FTO: variants seen among roughly 807,000 people sequenced by gnomAD.
FTO encodes the protein alpha-ketoglutarate-dependent dioxygenase FTO.
Under a neutral mutation model 63.9 loss-of-function variants are expected in FTO, and 47 were observed. The ratio of observed to expected loss-of-function variants is 0.74; its 90% CI spans 0.58 to 0.94. The LOEUF is 0.94. Ranked by LOEUF, FTO falls within the 40% of genes least tolerant of loss-of-function variation. The pLI, the probability that FTO is intolerant of heterozygous loss-of-function variation, is 0.00. For synonymous variants in FTO, 207 were observed against 224.4 expected, an observed-to-expected ratio of 0.92 and a Z score of 0.69; for missense variants, 562 against 618.1, an observed-to-expected ratio of 0.91 and a Z score of 0.96.
intron 1 of FTO, among the ~76,000 whole-genome samples, chr16:53,796,252 C>T (rs1057054397): frequency 6.6e-6 from 1 of 152,020 alleles, no homozygotes; most frequent in South Asian, 2.1e-4. Flanking sequence ...CAATGTCGGC[C>T]AGGCTAATCT....
chr16:53,839,479 G>C (rs915477953), intron 3 of FTO, among the ~76,000 whole-genome samples: 3 of 152,086 alleles, frequency 2.0e-5, no homozygotes, highest in Non-Finnish European at 2.9e-5. Flanking sequence ...GCCTAAGGAG[G>C]GGAAAAACTC....
chr16:53,927,459 T>G (rs373017315), intron 7 of FTO, among the ~76,000 whole-genome samples: 1 of 152,028 alleles, frequency 6.6e-6, no homozygotes, highest in Admixed American at 6.5e-5. Flanking sequence ...AGGAAGATAG[T>G]CAGTTGTTGG....
intron 8 of FTO, among the ~76,000 whole-genome samples, chr16:54,107,582 A>C (rs149912554): frequency 6.6e-6 from 1 of 152,226 alleles, no homozygotes; most frequent in African/African-American, 2.4e-5. Flanking sequence ...ATCAACCACA[A>C]CATCTCAGTT....
Position 53,879,934 on chromosome 16 carries a change from T to C in FTO, c.1066T>C (p.Leu356=), listed in dbSNP as rs1408257912. ...CDDVDNDDVS[L]KSFEPAVLKQ... ...CGATGTGGACAATGATGATGTCTCT[T>C]TGAAATCCTTTGAGCCTGCAGTTTT... The change falls in exon 6 of 9, where the codon TTG becomes CTG. Residue 356 remains leucine (L), a synonymous_variant. Transcript: ENST00000471389. 5.0e-6 allele frequency: 8 copies of C among 1,613,906 alleles called. No homozygotes were observed. Among genetic ancestry groups the C allele is most frequent in the Admixed American group, 1.7e-5 (1 of 59,994 alleles).
intron 1 of FTO, among the ~76,000 whole-genome samples, chr16:53,740,564 T>C (rs936210055): frequency 6.6e-6 from 1 of 152,206 alleles, no homozygotes; most frequent in Non-Finnish European, 1.5e-5. Context: ...ACATGCACAT[T>C]TTACAGTAGG....
intron 8 of FTO, among the ~76,000 whole-genome samples, chr16:53,969,944 A>C (rs1358641402): frequency 1.3e-5 from 2 of 152,170 alleles, no homozygotes; most frequent in African/African-American, 4.8e-5. Context: ...ACGGAGGAGG[A>C]GGCTAGCCAG....
intron 1 of FTO, among the ~76,000 whole-genome samples, chr16:53,749,373 G>A (rs2076725709): frequency 6.6e-6 from 1 of 151,808 alleles, no homozygotes; most frequent in Non-Finnish European, 1.5e-5. Context: ...GTACTGAATA[G>A]AAGTGGCAAG....
chr16:53,911,915 C>T (rs2081719499), intron 7 of FTO, among the ~76,000 whole-genome samples: 1 of 152,188 alleles, frequency 6.6e-6, no homozygotes, highest in Non-Finnish European at 1.5e-5. Flanking sequence ...TTAATTTGGT[C>T]TCTAAGGCCA....
At chr16:53,812,271 ATT>A (rs372641280) in intron 2 of FTO, among the ~76,000 whole-genome samples, 6 of 140,918 alleles carry the variant, frequency 4.3e-5, no homozygotes, top group African/African-American at 5.2e-5. Flanking sequence ...ATCTCACTTA[ATT>A]TTTTTTTTTT....
intron 4 of FTO, among the ~76,000 whole-genome samples, chr16:53,852,641 T>A (rs1942300187): frequency 6.6e-6 from 1 of 152,162 alleles, no homozygotes; most frequent in Non-Finnish European, 1.5e-5. Context: ...AATTAATAGG[T>A]AGAAAATGTA....
intron 8 of FTO, among the ~76,000 whole-genome samples, chr16:53,946,906 A>C (rs189398185): frequency 2.0e-5 from 3 of 152,348 alleles, no homozygotes; most frequent in African/African-American, 7.2e-5. Flanking sequence ...CTTCATTTCC[A>C]GTTTCACCAT....
chr16:53,814,311 C>T (rs575790549), intron 2 of FTO, among the ~76,000 whole-genome samples: 2 of 152,236 alleles, frequency 1.3e-5, no homozygotes, highest in Admixed American at 6.5e-5. Flanking sequence ...ATGAATGCAG[C>T]CCCTTTTATC....
At chr16:53,721,265 A>G (rs7206010) in intron 1 of FTO, among the ~76,000 whole-genome samples, 87,303 of 152,032 alleles carry the variant, frequency 0.57, 25,733 homozygotes, top group Middle Eastern at 0.64. Flanking sequence ...ACCTTTTGGC[A>G]CAGTCTCATT....
At chr16:54,073,880 T>G (rs371795644) in intron 8 of FTO, among the ~76,000 whole-genome samples, 1 of 152,182 alleles carries the variant, frequency 6.6e-6, no homozygotes. Flanking sequence ...AAAATCAAAA[T>G]TGAGTGCAAA....
intron 8 of FTO, among the ~76,000 whole-genome samples, chr16:54,000,564 C>G (rs1316335128): frequency 3.3e-5 from 5 of 152,186 alleles, no homozygotes; most frequent in African/African-American, 1.2e-4. Flanking sequence ...GAGAGTAACT[C>G]TGTTGTAAGA....
intron 8 of FTO, among the ~76,000 whole-genome samples, chr16:54,038,433 C>G (rs1314521563): frequency 1.3e-5 from 2 of 152,194 alleles, no homozygotes; most frequent in Non-Finnish European, 2.9e-5. Flanking sequence ...GTGCCTCCCC[C>G]ACCTTCCCAG....
chr16:53,788,181 T>C (rs573513019), intron 1 of FTO, among the ~76,000 whole-genome samples: 2 of 152,312 alleles, frequency 1.3e-5, no homozygotes, highest in South Asian at 2.1e-4. Flanking sequence ...ATCTGATGCA[T>C]CTTCTTCAGA....
intron 4 of FTO, among the ~76,000 whole-genome samples, chr16:53,858,341 C>T (rs1450653918): frequency 2.0e-5 from 3 of 152,154 alleles, no homozygotes; most frequent in Non-Finnish European, 4.4e-5. Flanking sequence ...AAGCTTCAAA[C>T]GGAAATGTTC....
At chr16:53,842,937 A>G (rs779447274) in intron 3 of FTO, among the ~76,000 whole-genome samples, 1 of 152,192 alleles carries the variant, frequency 6.6e-6, no homozygotes, top group African/African-American at 2.4e-5. Context: ...GGCCTCCCAA[A>G]GTGCTGGGAT....
Sources: allele counts gnomAD v4.1 joint callset (sites outside exome capture counted in the v4.1 genomes callset), GRCh38; gene constraint gnomAD v4.1.1; transcripts MANE v1.5; gene names NCBI Gene and HGNC (gene_info 2026-07-23, HGNC 2026-07-21).